The following NCKAP1 variants were observed in gnomAD, a reference collection of about 807,000 sequenced individuals.
The protein encoded by NCKAP1 is NCK associated protein 1, also known as nck-associated protein 1.
In NCKAP1, 21 loss-of-function variants were observed where a neutral mutation model predicts 151.2. The observed-to-expected ratio is 0.14, with a 90% CI of 0.10 to 0.20. NCKAP1 has a LOEUF of 0.20. Among genes scored for constraint, NCKAP1 ranks in the 10% least tolerant of loss-of-function variants. The probability of loss-of-function intolerance (pLI) is 1.00; values close to 1 mark genes in which losing one functional copy is unlikely to be tolerated. For missense variants in NCKAP1, 933 were observed against 1,352.1 expected (o/e 0.69, Z 4.86); for synonymous variants, 484 against 451.8 (o/e 1.07, Z -0.90).
intron 24 of NCKAP1, among the ~76,000 whole-genome samples, chr2:182,938,789 T>C (rs1378400735): frequency 2.0e-5 from 3 of 152,094 alleles, no homozygotes; most frequent in African/African-American, 4.8e-5. Flanking sequence ...CCAAATTTCA[T>C]AGTCCAGAAT....
Position 182,953,331 on chromosome 2 carries a change from C to T in NCKAP1, c.2154G>A (p.Lys718=), listed in dbSNP as rs778782902. The part of the protein sequence containing the change: ...LTSHLEIRFT[K]SIVGMTMYNQ... Reference sequence around the variant, plus strand: ...TATACATAGTCATCCCAACAATTGACCTGGGAAGAAGGGATAGAAGAATAA... The same window carrying T: ...TATACATAGTCATCCCAACAATTGATCTGGGAAGAAGGGATAGAAGAATAA... The change falls in exon 21 of 31, where the codon AAG becomes AAA. Residue 718 remains lysine, a splice_region_variant and synonymous_variant. Coordinates refer to ENST00000361354, the MANE Select transcript of NCKAP1 (RefSeq NM_013436.5). The T allele has an allele frequency of 1.2e-6, 2 of 1,606,294 alleles. No homozygotes were observed. Among genetic ancestry groups the T allele is most frequent in the East Asian group, 4.5e-5 (2 of 44,746 alleles).
rs1456155913 is a variant in NCKAP1 at position 182,928,113 on chromosome 2, A to C, written c.3180+4T>G. The C allele has an allele frequency of 1.9e-6, 3 of 1,578,534 alleles. No individual in the cohort carries two copies. Among genetic ancestry groups the C allele is most frequent in the Non-Finnish European group, 2.6e-6 (3 of 1,151,322 alleles). On this transcript the variant is annotated splice_donor_region_variant and intron_variant, in intron 29 of 30. Transcript: ENST00000361354. ...GATGAGTTTTGTTATTTGATTATAC[A>C]TACCGCCAGAAATTCTTTAAGACGG...
intron 2 of NCKAP1, among the ~76,000 whole-genome samples, chr2:183,012,048 T>C (rs1017779500): frequency 2.0e-5 from 3 of 152,210 alleles, no homozygotes; most frequent in African/African-American, 7.2e-5. Context: ...GTTGGCTTTT[T>C]TGTTCTTTTT....
chr2:183,014,106 T>C (rs529883614), intron 2 of NCKAP1, among the ~76,000 whole-genome samples: 28 of 152,352 alleles, frequency 1.8e-4, no homozygotes, highest in African/African-American at 6.7e-4. Context: ...TTTATTTCTG[T>C]TCAACATAAT....
chr2:182,997,961 A>G (rs1698301678), intron 6 of NCKAP1, among the ~76,000 whole-genome samples: 1 of 152,226 alleles, frequency 6.6e-6, no homozygotes, highest in South Asian at 2.1e-4. Context: ...CCAGCAGGAC[A>G]TCAAAAAGTT....
At chr2:183,015,654 A>G (rs1698669850) in intron 2 of NCKAP1, among the ~76,000 whole-genome samples, 1 of 152,034 alleles carries the variant, frequency 6.6e-6, no homozygotes. Flanking sequence ...TTTCTCTTTA[A>G]GGCTAAATAT....
chr2:183,004,454 T>A (rs1698429133), intron 2 of NCKAP1, among the ~76,000 whole-genome samples: 1 of 149,420 alleles, frequency 6.7e-6, no homozygotes, highest in South Asian at 2.1e-4. Context: ...ATATATATAT[T>A]TTTAACTACG....
intron 15 of NCKAP1, among the ~76,000 whole-genome samples, chr2:182,968,877 T>C (rs920208537): frequency 2.6e-5 from 4 of 152,112 alleles, no homozygotes; most frequent in African/African-American, 4.8e-5. Flanking sequence ...AAGGGACCAA[T>C]AGGTGGATGA....
At chr2:182,967,701 C>T (rs577768370) in intron 15 of NCKAP1, among the ~76,000 whole-genome samples, 1 of 152,062 alleles carries the variant, frequency 6.6e-6, no homozygotes, top group Non-Finnish European at 1.5e-5. Flanking sequence ...ATTTAAGAGA[C>T]AAAACACACA....
rs748239197 is a variant in NCKAP1 at position 182,919,203 on chromosome 2, G to A, written c.*6499C>T. On this transcript the variant is annotated 3_prime_UTR_variant, in exon 31 of 31. Coordinates refer to ENST00000361354, the MANE Select transcript of NCKAP1 (RefSeq NM_013436.5). The stretch of plus-strand genomic sequence containing the variant: ...GATAAAACCACAACTACCAGTTAAG[G>A]TCAAATTTTCCCCTCCTAGCCATCA... 7.9e-5 allele frequency: 12 copies of A among 152,184 alleles called. No individual in the cohort carries two copies. The highest frequency in any genetic ancestry group is 2.2e-4 in the African/African-American group (9 of 41,418). 9.4% of individuals were successfully genotyped at this position (152,184 alleles called of 1,614,324 possible). A position where few individuals can be genotyped will look rare whatever the true frequency, so the allele number is the denominator to read the frequency against.
At chr2:182,989,006 A>G (rs1405835784) in intron 9 of NCKAP1, 24 bp downstream of exon 9, 4 of 1,597,072 alleles carry the variant, frequency 2.5e-6, no homozygotes, top group Non-Finnish European at 3.4e-6. Context: ...TCCAAAAAAG[A>G]CAAAATAAAT....
intron 23 of NCKAP1, among the ~76,000 whole-genome samples, chr2:182,944,231 T>C (rs1335164341): frequency 1.3e-5 from 2 of 152,158 alleles, no homozygotes; most frequent in African/African-American, 4.8e-5. Flanking sequence ...GAATTACCAA[T>C]GAAATGGTTT....
intron 26 of NCKAP1, 27 bp from the exon 27 acceptor site, chr2:182,930,815 C>CA: frequency 6.4e-7 from 1 of 1,566,538 alleles, no homozygotes; most frequent in Non-Finnish European, 8.8e-7. Flanking sequence ...AATTACAGAG[C>CA]AATAAATAGT....
At chr2:183,025,108 C>G (rs1004824769) in intron 1 of NCKAP1, 7 of 942,042 alleles carry the variant, frequency 7.4e-6, no homozygotes, top group African/African-American at 3.3e-5. Flanking sequence ...AATAACAGAA[C>G]AAGATTAGAA....
intron 23 of NCKAP1, among the ~76,000 whole-genome samples, chr2:182,949,935 A>G (rs1697181884): frequency 6.6e-6 from 1 of 152,256 alleles, no homozygotes; most frequent in Admixed American, 6.5e-5. Context: ...AGTGACATGA[A>G]CAAATACACT....
intron 2 of NCKAP1, among the ~76,000 whole-genome samples, chr2:183,009,978 T>C (rs1010506379): frequency 6.6e-6 from 1 of 152,220 alleles, no homozygotes; most frequent in South Asian, 2.1e-4. Context: ...TTCTAAAAAA[T>C]CTAATTCAAC....
intron 2 of NCKAP1, among the ~76,000 whole-genome samples, chr2:183,011,782 T>C (rs780545463): frequency 3.3e-5 from 5 of 152,236 alleles, no homozygotes; most frequent in Non-Finnish European, 5.9e-5. Flanking sequence ...AGAAGTGGAA[T>C]TGCTTTCTTC....
chr2:183,002,835 A>G (rs1698399513), intron 4 of NCKAP1, 139 bp downstream of exon 4: 1 of 578,768 alleles, frequency 1.7e-6, no homozygotes, highest in Middle Eastern at 4.0e-4. Context: ...TACTTTTTAA[A>G]AAAGCTATAA....
At chr2:182,983,040 G>C in intron 11 of NCKAP1, 113 bp from the exon 12 acceptor site, 1 of 804,504 alleles carries the variant, frequency 1.2e-6, no homozygotes, top group East Asian at 2.7e-5. Context: ...ATTCAAAAGA[G>C]TGAAGAGACT....
Sources: gnomAD v4.1 joint callset for allele counts (sites outside exome capture counted in the v4.1 genomes callset) on GRCh38, gnomAD v4.1.1 for gene constraint, MANE v1.5 for transcripts, NCBI Gene and HGNC (gene_info 2026-07-23, HGNC 2026-07-21) for gene names.